Variants in BANP observed in about 807,000 individuals in gnomAD.
BANP encodes the protein BTG3 associated nuclear protein.
Under a neutral mutation model 68.1 loss-of-function variants are expected in BANP, and 11 were observed. That is an observed-to-expected ratio of 0.16 (90% confidence interval 0.10 to 0.27). BANP has a LOEUF of 0.27. Among genes scored for constraint, BANP ranks in the 10% least tolerant of loss-of-function variants. BANP has a pLI of 1.00. For missense variants in BANP, 504 were observed against 722.7 expected, an observed-to-expected ratio of 0.70 and a Z score of 3.47; for synonymous variants, 329 against 303.2, an observed-to-expected ratio of 1.09 and a Z score of -0.88.
chr16:87,969,238 TG>T (rs952515427), intron 1 of BANP, among the ~76,000 whole-genome samples: 10 of 151,978 alleles, frequency 6.6e-5, no homozygotes, highest in African/African-American at 1.2e-4. Flanking sequence ...GTTTTGTTGT[TG>T]TTGTTGTTGT....
rs1187755003 is a variant in BANP, at chr16:87,998,709, T to C, written c.363-5586T>C. 2.4e-3 allele frequency among the ~76,000 whole-genome samples: 265 copies of C among 109,922 alleles called. 1 individual carries two copies. The highest frequency in any genetic ancestry group is 0.022 in the Middle Eastern group (3 of 138). The allele number at this position is 109,922 out of a possible 152,430, so 72.1% of individuals were successfully genotyped here. On this transcript the variant is annotated intron_variant, in intron 4 of 13. Coordinates refer to ENST00000682872, the MANE Select transcript of BANP (RefSeq NM_001386991.1). ...CTGGACTTACCTGTCCTTCCAGACG[T>C]GTCTCCATGCACGCACGTGCGCGGC...
chr16:87,986,065 C>T (rs144538391), intron 4 of BANP, among the ~76,000 whole-genome samples: 2,510 of 152,250 alleles, frequency 0.016, 70 homozygotes, highest in African/African-American at 0.058. Flanking sequence ...CACTGAAGGA[C>T]GTCTCAACCT....
chr16:88,045,009 A>C (rs2081648582), intron 11 of BANP, among the ~76,000 whole-genome samples: 2 of 152,234 alleles, frequency 1.3e-5, no homozygotes, highest in Non-Finnish European at 2.9e-5. Flanking sequence ...AATTATATAA[A>C]GTTTACACTG....
intron 11 of BANP, among the ~76,000 whole-genome samples, chr16:88,060,914 G>A (rs991060429): frequency 2.7e-5 from 4 of 150,162 alleles, no homozygotes; most frequent in African/African-American, 9.8e-5. Context: ...CCATGGGGGA[G>A]CGCCACAGGC....
chr16:87,961,809 G>C (rs1006555283), intron 1 of BANP, among the ~76,000 whole-genome samples: 1 of 152,202 alleles, frequency 6.6e-6, no homozygotes, highest in Middle Eastern at 3.4e-3. Context: ...GGCTCTCCTC[G>C]TGGTGGGTTA....
chr16:87,977,052 A>G (rs990405306), intron 2 of BANP, among the ~76,000 whole-genome samples: 5 of 152,162 alleles, frequency 3.3e-5, no homozygotes, highest in African/African-American at 9.7e-5. Context: ...ATAATTTTGA[A>G]TCTTGATTTT....
rs2063819942 is a variant in BANP, at chr16:87,984,119, A to G, written c.222A>G (p.Lys74=). The G allele has an allele frequency of 6.2e-7, 1 of 1,613,552 alleles. No individual in the cohort carries two copies. Among genetic ancestry groups the G allele is most frequent in the Non-Finnish European group, 8.5e-7 (1 of 1,179,752 alleles). The change falls in exon 4 of 14, where the codon AAA becomes AAG. Residue 74 remains lysine, a synonymous_variant. Coordinates refer to ENST00000682872, the MANE Select transcript of BANP (RefSeq NM_001386991.1). ...ICLRLDSIEA[K]LQALEATCKS... is the part of the protein sequence containing the mutation. ...TGCGGTTGGATAGCATTGAAGCCAAATTGCAAGCCCTGGAGGCTACTTGTA... is the reference window on the plus strand; with the variant it reads ...TGCGGTTGGATAGCATTGAAGCCAAGTTGCAAGCCCTGGAGGCTACTTGTA...
At chr16:87,993,088 G>T (rs1418706488) in intron 4 of BANP, among the ~76,000 whole-genome samples, 1 of 152,232 alleles carries the variant, frequency 6.6e-6, no homozygotes, top group African/African-American at 2.4e-5. Context: ...CTGACTAGAT[G>T]GGGGTCACGG....
rs1417070151 is a variant in BANP, at chr16:88,057,258, C to T, written c.1312-8009C>T. 2.6e-5 allele frequency among the ~76,000 whole-genome samples: 4 copies of T among 152,166 alleles called. No individual in the cohort carries two copies. Among genetic ancestry groups the T allele is most frequent in the Non-Finnish European group, 5.9e-5 (4 of 68,036 alleles). On this transcript the variant is annotated intron_variant, in intron 11 of 13. Transcript: ENST00000682872. The surrounding 1 kb of genome is among the most constrained non-coding windows in gnomAD (Gnocchi z 4.6). ...GGCCAGCCGCCAAGAGCTCACCCAG[C>T]GCGCCTGTTGCTTTGGGTGCCTCTG...
intron 7 of BANP, among the ~76,000 whole-genome samples, chr16:88,025,036 G>T (rs1484914639): frequency 2.0e-5 from 3 of 152,190 alleles, no homozygotes; most frequent in African/African-American, 7.2e-5. Context: ...TTCTCCTGGA[G>T]TGTGAAGGTG....
chr16:88,028,632 G>T (rs1162772647), intron 8 of BANP, among the ~76,000 whole-genome samples: 1 of 152,226 alleles, frequency 6.6e-6, no homozygotes, highest in Non-Finnish European at 1.5e-5. Flanking sequence ...CTACAATGAG[G>T]AATTCTGCCT....
intron 13 of BANP, among the ~76,000 whole-genome samples, chr16:88,075,465 T>G (rs1471896628): frequency 6.6e-6 from 1 of 152,220 alleles, no homozygotes; most frequent in Admixed American, 6.5e-5. Context: ...CTTGCACTAC[T>G]GCACTCCAAC....
rs2070316972 is a variant in BANP, at chr16:88,004,275, G to C, written c.363-20G>C. 1 of 1,410,904 alleles carries C rather than the reference G, an allele frequency of 7.1e-7. No individual in the cohort carries two copies. Among genetic ancestry groups the C allele is most frequent in the Non-Finnish European group, 9.8e-7 (1 of 1,020,476 alleles). 87.4% of individuals were successfully genotyped at this position (1,410,904 alleles called of 1,614,324 possible). ...TTGTTTTAAGGCCTTCTTTTTCTTT[G>C]TGATTCTTTTGTTCCCTAGCGTCGT... On this transcript the variant is annotated intron_variant, in intron 4 of 13. Coordinates refer to ENST00000682872, the MANE Select transcript of BANP (RefSeq NM_001386991.1). This position sits in a 1 kb window ranked among gnomAD's most constrained non-coding sequence, Gnocchi z 7.0.
At chr16:88,011,659 A>T (rs1229492578) in intron 6 of BANP, among the ~76,000 whole-genome samples, 1 of 152,212 alleles carries the variant, frequency 6.6e-6, no homozygotes, top group African/African-American at 2.4e-5. Context: ...GCAGAATGTC[A>T]GTGTTACAGG....
At chr16:87,955,869 CTG>C (rs988911027) in intron 1 of BANP, among the ~76,000 whole-genome samples, 1 of 152,214 alleles carries the variant, frequency 6.6e-6, no homozygotes, top group African/African-American at 2.4e-5. Context: ...TGCACCCAAA[CTG>C]AGGGATGCTC....
chr16:88,039,710 G>A (rs564232107), intron 11 of BANP, among the ~76,000 whole-genome samples: 1 of 142,944 alleles, frequency 7.0e-6, no homozygotes, highest in Admixed American at 7.1e-5. Flanking sequence ...GAGGCCCGTT[G>A]GCTCCAGCAC....
chr16:88,008,657 A>G (rs1010534799), intron 6 of BANP, among the ~76,000 whole-genome samples: 1 of 152,144 alleles, frequency 6.6e-6, no homozygotes, highest in East Asian at 1.9e-4. Context: ...GAAAAATACA[A>G]ATTTTCTTTG....
chr16:88,004,130 C>A lies in BANP; in HGVS notation c.363-165C>A, dbSNP rs777365673. On this transcript the variant is annotated intron_variant, in intron 4 of 13. Transcript: ENST00000682872. The surrounding 1 kb of genome is among the most constrained non-coding windows in gnomAD (Gnocchi z 7.0). Reference sequence around the variant, plus strand: ...TCCTTAGCATTTGGGGCTCCTTCCCCCTCAGGACGGGTCCCTGGGAGTGGA... The same window carrying A: ...TCCTTAGCATTTGGGGCTCCTTCCCACTCAGGACGGGTCCCTGGGAGTGGA... Among the ~76,000 whole-genome samples the A allele has an allele frequency of 1.3e-5, 2 of 152,200 alleles. No individual in the cohort carries two copies. Among genetic ancestry groups the A allele is most frequent in the Non-Finnish European group, 2.9e-5 (2 of 68,042 alleles).
In BANP at chr16:88,050,016, G is replaced by A. The variant is rs897162197; in HGVS notation, c.1311+12005G>A. Among the ~76,000 whole-genome samples the A allele has an allele frequency of 2.6e-5, 4 of 152,230 alleles. No individual in the cohort carries two copies. The South Asian group carries it at 6.2e-4, about 24-fold the overall frequency. ...GAACCCTCTTCAGGAAAGAGCTGGT[G>A]TGTGGGCGTGGCCGGCTGGTGAGCT... On this transcript the variant is annotated intron_variant, in intron 11 of 13. Coordinates refer to ENST00000682872, the MANE Select transcript of BANP (RefSeq NM_001386991.1).
Sources: allele counts gnomAD v4.1 joint callset (sites outside exome capture counted in the v4.1 genomes callset), GRCh38; gene constraint gnomAD v4.1.1; non-coding constraint Gnocchi (gnomAD v3.1); transcripts MANE v1.5; gene names NCBI Gene and HGNC (gene_info 2026-07-23, HGNC 2026-07-21).